ITGB1BP1: variants seen among roughly 807,000 people sequenced by gnomAD.
ITGB1BP1 encodes integrin subunit beta 1 binding protein 1.
In ITGB1BP1, 20 loss-of-function variants were observed where a neutral mutation model predicts 28.0. The observed-to-expected ratio is 0.71, with a 90% CI of 0.50 to 1.04. The LOEUF (loss-of-function observed/expected upper bound fraction) is 1.04. Ranked by LOEUF, ITGB1BP1 falls within the 50% of genes least tolerant of loss-of-function variation. The probability of loss-of-function intolerance (pLI) is 0.00; values close to 1 mark genes in which losing one functional copy is unlikely to be tolerated. For missense variants in ITGB1BP1, 228 were observed against 242.5 expected, an observed-to-expected ratio of 0.94 and a Z score of 0.40; for synonymous variants, 103 against 89.5, an observed-to-expected ratio of 1.15 and a Z score of -0.85.
At chr2:9,408,375 C>A (rs868059145) in intron 4 of ITGB1BP1, 170 bp from the exon 5 acceptor site, 4 of 581,410 alleles carry the variant, frequency 6.9e-6, no homozygotes, top group African/African-American at 1.9e-5. Flanking sequence ...AAACATTTCC[C>A]CCCATTTACA....
rs747403519 is a variant in ITGB1BP1, at chr2:9,408,098, AATTAT to A, written c.381+10_381+14del. The A allele has an allele frequency of 1.9e-5, 25 of 1,331,912 alleles. No individual in the cohort carries two copies. In the African/African-American group the frequency reaches 3.5e-4, roughly 19 times the overall value. The allele number at this position is 1,331,912 out of a possible 1,614,324, so 82.5% of individuals were successfully genotyped here. On this transcript the variant is annotated intron_variant, in intron 5 of 6. Coordinates refer to ENST00000355346, the MANE Select transcript of ITGB1BP1 (RefSeq NM_004763.5). Reference sequence around the variant, plus strand: ...TATCTAAAACATAGTTTTCTTAATAAATTATATTACTTACATATTGATCTGATGTT... The same window carrying A: ...TATCTAAAACATAGTTTTCTTAATAAATTACTTACATATTGATCTGATGTT...
chr2:9,412,239 C>T (rs1345928598), intron 4 of ITGB1BP1, 30 bp downstream of exon 4: 4 of 1,586,834 alleles, frequency 2.5e-6, no homozygotes, highest in Non-Finnish European at 3.4e-6. Flanking sequence ...ACTCTCATAA[C>T]CAGAGAGTTA....
rs1383542293 is a variant in ITGB1BP1, at chr2:9,414,249, T to C, written c.80A>G (p.Asp27Gly). Reference protein sequence around the residue: ...SEISTKSKSVDSSLGGLSRSS... With the variant: ...SEISTKSKSVGSSLGGLSRSS... ...TCGTGAAAGACCCCCAAGGCTAGAA[T>C]CCACAGACTGAGAAACAGAAAAACA... is the stretch of plus-strand genomic sequence containing the variant. Residue 27 changes from aspartate to glycine, a missense_variant, in exon 3 of 7, where the codon GAT becomes GGT. This residue lies in a region of ITGB1BP1 where 36 missense variants were observed against 61.0 expected (regional missense o/e 0.59). Coordinates refer to ENST00000355346, the MANE Select transcript of ITGB1BP1 (RefSeq NM_004763.5). The C allele has an allele frequency of 6.2e-7, 1 of 1,613,806 alleles. No homozygotes were observed. Among genetic ancestry groups the C allele is most frequent in the Admixed American group, 1.7e-5 (1 of 60,000 alleles).
At chr2:9,413,938 A>G (rs1678788987) in intron 3 of ITGB1BP1, among the ~76,000 whole-genome samples, 1 of 152,042 alleles carries the variant, frequency 6.6e-6, no homozygotes, top group African/African-American at 2.4e-5. Flanking sequence ...ACTATTTTGA[A>G]ACTTCCATTT....
At position 9,409,970 on chromosome 2, in the gene ITGB1BP1, G is replaced by A. The variant is rs958338181; in HGVS notation, c.289-1765C>T. The stretch of plus-strand genomic sequence containing the variant: ...AGCGATTCTCCTGCCTCAGTCTCCC[G>A]AGTAGCTGGGATTACAGGCATGCGC... On this transcript the variant is annotated intron_variant, in intron 4 of 6. Coordinates refer to ENST00000355346, the MANE Select transcript of ITGB1BP1 (RefSeq NM_004763.5). 4.0e-5 allele frequency among the ~76,000 whole-genome samples: 6 copies of A among 150,102 alleles called. No homozygotes were observed. The South Asian group carries it at 1.1e-3, about 27-fold the overall frequency.
rs1014311095 is a variant in ITGB1BP1 at position 9,423,409 on chromosome 2, C to CG, written c.-73dup. 8.7e-7 allele frequency: 1 copy of CG among 1,143,566 alleles called. No homozygotes were observed. The highest frequency in any genetic ancestry group is 1.1e-6 in the Non-Finnish European group (1 of 921,810). The allele number at this position is 1,143,566 out of a possible 1,614,324, so 70.8% of individuals were successfully genotyped here. A position where few individuals can be genotyped will look rare whatever the true frequency, so the allele number is the denominator to read the frequency against. On this transcript the variant is annotated 5_prime_UTR_variant, in exon 1 of 7. Coordinates refer to ENST00000355346, the MANE Select transcript of ITGB1BP1 (RefSeq NM_004763.5). The stretch of plus-strand genomic sequence containing the variant: ...GGGCCCATCCCCGGGTTGCGGACTT[C>CG]GGGGTCCGCGTGGGAGTGCCGCGGC...
chr2:9,421,259 T>C (rs191576036), intron 1 of ITGB1BP1, among the ~76,000 whole-genome samples: 1 of 152,286 alleles, frequency 6.6e-6, no homozygotes, highest in East Asian at 1.9e-4. Context: ...GATATGAAAA[T>C]CATGACACGA....
rs1202841008 is a variant in ITGB1BP1 at position 9,404,691 on chromosome 2, G to A, written c.*2143C>T. The A allele has an allele frequency of 1.1e-4, 17 of 151,890 alleles. No individual in the cohort carries two copies. 9.4% of individuals were successfully genotyped at this position (151,890 alleles called of 1,614,324 possible). A position where few individuals can be genotyped will look rare whatever the true frequency, so the allele number is the denominator to read the frequency against. ...TGTTAACTGCATTTGTTGTGATGGT[G>A]CATTTGATTGAAGCAGCTTGTCTTT... On this transcript the variant is annotated 3_prime_UTR_variant, in exon 7 of 7. Coordinates refer to ENST00000355346, the MANE Select transcript of ITGB1BP1 (RefSeq NM_004763.5).
intron 2 of ITGB1BP1, among the ~76,000 whole-genome samples, chr2:9,416,842 C>G (rs113334794): frequency 1.3e-4 from 20 of 152,090 alleles, no homozygotes; most frequent in African/African-American, 4.8e-4. Flanking sequence ...GGTAGAAACA[C>G]CTGGAATGAA....
intron 3 of ITGB1BP1, among the ~76,000 whole-genome samples, chr2:9,413,076 A>C (rs1305742198): frequency 6.6e-6 from 1 of 152,208 alleles, no homozygotes; most frequent in African/African-American, 2.4e-5. Flanking sequence ...ACGACTTATA[A>C]CCTCAACCAT....
Position 9,406,837 on chromosome 2 carries a change from G to A in ITGB1BP1, c.600C>T (p.Pro200=). 1.2e-6 allele frequency: 2 copies of A among 1,608,172 alleles called. No homozygotes were observed. The highest frequency in any genetic ancestry group is 2.2e-5 in the South Asian group (2 of 90,956). ...GACTTCTACTTGATTGCAGGATTCAGGGTTTCTCAGATGTTAATACAGAGT... is the reference window on the plus strand; with the variant it reads ...GACTTCTACTTGATTGCAGGATTCAAGGTTTCTCAGATGTTAATACAGAGT... ...AFDSVLTSEK[P] is the part of the protein sequence containing the mutation. The change falls in exon 7 of 7, where the codon CCC becomes CCT. Residue 200 remains proline, a synonymous_variant. Transcript: ENST00000355346.
At chr2:9,423,018 A>G (rs2148925375) in intron 1 of ITGB1BP1, 2 of 990,190 alleles carry the variant, frequency 2.0e-6, no homozygotes, top group East Asian at 1.1e-4. Context: ...GGAGGATGTG[A>G]CAGCGAAGGG....
chr2:9,412,187 G>A lies in ITGB1BP1; in HGVS notation c.288+82C>T, dbSNP rs758842989. 4 of 1,246,686 alleles carry A rather than the reference G, an allele frequency of 3.2e-6. No individual in the cohort carries two copies. In the South Asian group the frequency reaches 3.8e-5, roughly 12 times the overall value. The allele number at this position is 1,246,686 out of a possible 1,614,324, so 77.2% of individuals were successfully genotyped here. A position where few individuals can be genotyped will look rare whatever the true frequency, so the allele number is the denominator to read the frequency against. ...GCGGAGCGGCACCCAGTGGACCCGA[G>A]GAGTGAGCATTTTGCCCCAAAGCCA... On this transcript the variant is annotated intron_variant, in intron 4 of 6. Transcript: ENST00000355346.
chr2:9,417,505 C>T (rs1163906815), intron 2 of ITGB1BP1, among the ~76,000 whole-genome samples: 3 of 151,998 alleles, frequency 2.0e-5, no homozygotes, highest in Non-Finnish European at 2.9e-5. Flanking sequence ...CTGCAACCTT[C>T]GACTCCTGGT....
rs539268790 is a variant in ITGB1BP1 at position 9,415,931 on chromosome 2, G to A, written c.73-1675C>T. On this transcript the variant is annotated intron_variant, in intron 2 of 6. Transcript: ENST00000355346. The surrounding 1 kb of genome is among the most constrained non-coding windows in gnomAD (Gnocchi z 4.1). ...CACATGGGAGGCCCGGCAGGCACCC[G>A]GGATGAAAGGTCTAGGGAGGCATCT... Among the ~76,000 whole-genome samples, 5 of 152,348 alleles carry A rather than the reference G, an allele frequency of 3.3e-5. No individual in the cohort carries two copies. The East Asian group carries it at 7.7e-4, about 24-fold the overall frequency.
At chr2:9,423,160 A>C in intron 1 of ITGB1BP1, 1 of 989,206 alleles carries the variant, frequency 1.0e-6, no homozygotes, top group Non-Finnish European at 1.2e-6. Flanking sequence ...TGCAGTCCGC[A>C]AGCCCACGCC....
intron 5 of ITGB1BP1, chr2:9,407,897 T>TC (rs1553336189): frequency 6.1e-5 from 31 of 504,940 alleles, no homozygotes; most frequent in Non-Finnish European, 1.1e-4. Flanking sequence ...TGTTTGGGGG[T>TC]GGGGGGGGCA....
rs149571539 is a variant in ITGB1BP1, at chr2:9,420,545, G to A, written c.-35-1813C>T. Among the ~76,000 whole-genome samples, 357 of 152,284 alleles carry A rather than the reference G, an allele frequency of 2.3e-3. 1 individual carries two copies. The highest frequency in any genetic ancestry group is 0.01 in the Middle Eastern group (3 of 292). ...ACAGACTAATGGAAGGAAGGGGTGG[G>A]TATTTCAGAAAAAGATGCTGTAGCT... On this transcript the variant is annotated intron_variant, in intron 1 of 6. Coordinates refer to ENST00000355346, the MANE Select transcript of ITGB1BP1 (RefSeq NM_004763.5).
At chr2:9,410,708 G>A (rs1678256576) in intron 4 of ITGB1BP1, among the ~76,000 whole-genome samples, 1 of 152,094 alleles carries the variant, frequency 6.6e-6, no homozygotes, top group Non-Finnish European at 1.5e-5. Context: ...CCAAAGTGCT[G>A]GGATTACAGG....
Sources: gnomAD v4.1 joint callset for allele counts (sites outside exome capture counted in the v4.1 genomes callset) on GRCh38, gnomAD v4.1.1 for gene constraint, gnomAD v4.1.1 regional missense constraint, Gnocchi (gnomAD v3.1) non-coding constraint, MANE v1.5 for transcripts, NCBI Gene and HGNC (gene_info 2026-07-23, HGNC 2026-07-21) for gene names.